The following CHCHD6 variants were observed in gnomAD, a reference collection of about 807,000 sequenced individuals.
CHCHD6 encodes coiled-coil-helix-coiled-coil-helix domain containing 6, also known as MICOS complex subunit MIC25.
In CHCHD6, 28 loss-of-function variants were observed where a neutral mutation model predicts 32.3. That is an observed-to-expected ratio of 0.87 (90% CI 0.64 to 1.19). The LOEUF (loss-of-function observed/expected upper bound fraction) is 1.19. Among genes scored for constraint, CHCHD6 ranks in the 50% most tolerant of loss-of-function variants. The pLI, the probability that CHCHD6 is intolerant of heterozygous loss-of-function variation, is 0.00. For missense variants in CHCHD6, 333 were observed against 307.0 expected (o/e 1.08, Z -0.63); for synonymous variants, 122 against 117.5 (o/e 1.04, Z -0.25).
At chr3:126,921,911 T>C (rs1358846319) in intron 6 of CHCHD6, among the ~76,000 whole-genome samples, 1 of 152,262 alleles carries the variant, frequency 6.6e-6, no homozygotes, top group Admixed American at 6.5e-5. Flanking sequence ...AGTGGTCATT[T>C]ATTTAAACCC....
intron 5 of CHCHD6, 41 bp from the exon 6 acceptor site, chr3:126,914,639 A>G (rs747916278): frequency 2.0e-5 from 22 of 1,123,608 alleles, no homozygotes; most frequent in South Asian, 6.2e-5. Context: ...GCAGAGGGAA[A>G]TTTCAGTCTT....
intron 5 of CHCHD6, among the ~76,000 whole-genome samples, chr3:126,869,288 C>CTTTTTTTTT (rs58408227): frequency 1.1e-4 from 12 of 108,672 alleles, no homozygotes; most frequent in Admixed American, 1.9e-4. Context: ...CACCAGTCTC[C>CTTTTTTTTT]TTTTTTTTTT....
chr3:126,846,854 A>G (rs773433268), intron 4 of CHCHD6, among the ~76,000 whole-genome samples: 12 of 152,082 alleles, frequency 7.9e-5, no homozygotes, highest in Non-Finnish European at 1.6e-4. Context: ...GTGTATGTGT[A>G]TTTTTAAAGT....
intron 5 of CHCHD6, among the ~76,000 whole-genome samples, chr3:126,856,856 C>T (rs963749117): frequency 6.6e-6 from 1 of 152,146 alleles, no homozygotes; most frequent in Non-Finnish European, 1.5e-5. Flanking sequence ...AGTTCTGCCT[C>T]AGTCATGTAA....
At chr3:126,936,309 T>G (rs1481704216) in intron 6 of CHCHD6, among the ~76,000 whole-genome samples, 1 of 152,196 alleles carries the variant, frequency 6.6e-6, no homozygotes, top group Non-Finnish European at 1.5e-5. Context: ...GAGATCATGT[T>G]CATAGAATAC....
chr3:126,766,228 A>AG (rs1937365121), intron 4 of CHCHD6, among the ~76,000 whole-genome samples: 1 of 152,222 alleles, frequency 6.6e-6, no homozygotes. Context: ...TCGACATTAA[A>AG]GGGAAAAAAA....
At chr3:126,745,184 T>G (rs182867463) in intron 4 of CHCHD6, among the ~76,000 whole-genome samples, 121 of 152,118 alleles carry the variant, frequency 8.0e-4, no homozygotes, top group Non-Finnish European at 5.9e-5. Context: ...CCAAACAAAA[T>G]CAGGATTATG....
chr3:126,822,842 G>T (rs1246843589), intron 4 of CHCHD6, among the ~76,000 whole-genome samples: 1 of 152,016 alleles, frequency 6.6e-6, no homozygotes, highest in East Asian at 1.9e-4. Flanking sequence ...ATCTGTGTTA[G>T]TAACACTCTT....
intron 4 of CHCHD6, among the ~76,000 whole-genome samples, chr3:126,839,297 C>T (rs905959357): frequency 1.3e-5 from 2 of 152,132 alleles, no homozygotes; most frequent in South Asian, 4.1e-4. Flanking sequence ...AGGAAGAGTA[C>T]AAGCAGGTAA....
At chr3:126,935,634 A>G (rs2078468984) in intron 6 of CHCHD6, among the ~76,000 whole-genome samples, 1 of 152,248 alleles carries the variant, frequency 6.6e-6, no homozygotes, top group Non-Finnish European at 1.5e-5. Context: ...ATTTAAGCAA[A>G]GGCCAAAAGT....
chr3:126,914,563 C>T (rs537655658), intron 5 of CHCHD6, 117 bp from the exon 6 acceptor site: 5 of 709,870 alleles, frequency 7.0e-6, no homozygotes, highest in African/African-American at 1.7e-5. Context: ...AATTACCAGT[C>T]GGCTTTGATG....
At chr3:126,870,241 C>T (rs114599650) in intron 5 of CHCHD6, among the ~76,000 whole-genome samples, 1,848 of 152,292 alleles carry the variant, frequency 0.012, 20 homozygotes, top group Middle Eastern at 0.048. Context: ...GGTGGTTCCT[C>T]TCATTAGTGG....
intron 5 of CHCHD6, among the ~76,000 whole-genome samples, chr3:126,853,638 A>G (rs1179546218): frequency 6.6e-6 from 1 of 152,164 alleles, no homozygotes; most frequent in Non-Finnish European, 1.5e-5. Context: ...TCCTTGCCCC[A>G]TCAACACCTG....
intron 4 of CHCHD6, among the ~76,000 whole-genome samples, chr3:126,845,101 G>A (rs562439750): frequency 6.6e-5 from 10 of 152,250 alleles, no homozygotes; most frequent in Admixed American, 3.3e-4. Flanking sequence ...CTAAGTTTCT[G>A]GTAATTTCAT....
chr3:126,792,091 A>G (rs1576421755), intron 4 of CHCHD6, among the ~76,000 whole-genome samples: 3 of 152,220 alleles, frequency 2.0e-5, no homozygotes, highest in South Asian at 4.1e-4. Context: ...GTGTATATAT[A>G]TAGCAGTTTG....
intron 5 of CHCHD6, chr3:126,865,545 G>A (rs73861718): frequency 0.029 from 28,739 of 983,574 alleles, 1,404 homozygotes; most frequent in African/African-American, 0.2. Context: ...CCTCCTCCAC[G>A]TCCACTTGCA....
intron 1 of CHCHD6, among the ~76,000 whole-genome samples, chr3:126,705,223 A>T (rs1934422595): frequency 6.6e-6 from 1 of 152,176 alleles, no homozygotes; most frequent in South Asian, 2.1e-4. Flanking sequence ...CGCGTCCAAC[A>T]TTTATTATTT....
chr3:126,948,493 C>T (rs961564851), intron 6 of CHCHD6, among the ~76,000 whole-genome samples: 1 of 152,168 alleles, frequency 6.6e-6, no homozygotes, highest in African/African-American at 2.4e-5. Context: ...GAATGGGATT[C>T]GTACTGGATT....
At chr3:126,850,477 C>T (rs1407946163) in intron 4 of CHCHD6, among the ~76,000 whole-genome samples, 3 of 152,204 alleles carry the variant, frequency 2.0e-5, no homozygotes, top group African/African-American at 7.2e-5. Flanking sequence ...ATCACATAGA[C>T]GTCCTGCTGG....
Sources: allele counts gnomAD v4.1 joint callset (sites outside exome capture counted in the v4.1 genomes callset), GRCh38; gene constraint gnomAD v4.1.1; transcripts MANE v1.5; gene names NCBI Gene and HGNC (gene_info 2026-07-23, HGNC 2026-07-21).